EDN1: variants seen among roughly 807,000 people sequenced by gnomAD.
The protein encoded by EDN1 is endothelin-1.
Under a neutral mutation model 21.7 loss-of-function variants are expected in EDN1, and 11 were observed. The ratio of observed to expected loss-of-function variants is 0.51; its 90% confidence interval spans 0.32 to 0.84. The LOEUF (loss-of-function observed/expected upper bound fraction) is 0.84. Ranked by LOEUF, EDN1 falls within the 40% of genes least tolerant of loss-of-function variation. The pLI is 0.03. For synonymous variants in EDN1, 85 were observed against 90.6 expected, an observed-to-expected ratio of 0.94 and a Z score of 0.35; for missense variants, 244 against 262.3, an observed-to-expected ratio of 0.93 and a Z score of 0.48.
At chr6:12,263,615 A>G in the EDN1 span, among the ~76,000 whole-genome samples, 1 of 152,204 alleles carries the variant, frequency 6.6e-6, no homozygotes, top group Non-Finnish European at 1.5e-5. Context: ...TTTCACCACC[A>G]TAAATCAACT....
chr6:12,252,089 T>C, the EDN1 span, among the ~76,000 whole-genome samples: 1,715 of 152,328 alleles, frequency 0.011, 26 homozygotes, highest in African/African-American at 0.04. Flanking sequence ...TGTAAGGATG[T>C]AATTAACAGC....
chr6:12,237,262 A>G, the EDN1 span, among the ~76,000 whole-genome samples: 6 of 152,144 alleles, frequency 3.9e-5, no homozygotes, highest in Non-Finnish European at 8.8e-5. Context: ...AGTCTTTGCT[A>G]TTGTGAATAA....
At chr6:12,266,794 A>G in the EDN1 span, among the ~76,000 whole-genome samples, 1 of 152,202 alleles carries the variant, frequency 6.6e-6, no homozygotes, top group African/African-American at 2.4e-5. Context: ...GTCAAACCAC[A>G]GGAAGGTATT....
chr6:12,296,278 G>C lies in EDN1; in HGVS notation c.*211G>C. ...GGCTTCCATCAGTGGTAACTGCTTT[G>C]GTCTCTTCTTTCATCTGGGGATGAC... On this transcript the variant is annotated 3_prime_UTR_variant, in exon 5 of 5. Transcript: ENST00000379375. The C allele has an allele frequency of 1.8e-6, 1 of 540,664 alleles. No individual in the cohort carries two copies. Among genetic ancestry groups the C allele is most frequent in the Non-Finnish European group, 3.4e-6 (1 of 296,238 alleles). 33.5% of individuals were successfully genotyped at this position (540,664 alleles called of 1,614,324 possible).
Position 12,290,542 on chromosome 6 carries a change from G to T in EDN1, c.-88G>T, listed in dbSNP as rs1762647158. ...GATCGCTTTGAGATCTGAGGAACCCGCAGCGCTTTGAGGGACCTGAAGCTG... is the reference window on the plus strand; with the variant it reads ...GATCGCTTTGAGATCTGAGGAACCCTCAGCGCTTTGAGGGACCTGAAGCTG... On this transcript the variant is annotated 5_prime_UTR_variant, in exon 1 of 5. Transcript: ENST00000379375. 3.7e-6 allele frequency: 4 copies of T among 1,094,704 alleles called. No individual in the cohort carries two copies. Among genetic ancestry groups the T allele is most frequent in the Admixed American group, 1.8e-5 (1 of 54,926 alleles). 67.8% of individuals were successfully genotyped at this position (1,094,704 alleles called of 1,614,324 possible). A position where few individuals can be genotyped will look rare whatever the true frequency, so the allele number is the denominator to read the frequency against.
chr6:12,274,799 T>G, the EDN1 span, among the ~76,000 whole-genome samples: 4 of 152,222 alleles, frequency 2.6e-5, no homozygotes, highest in Admixed American at 6.5e-5. Flanking sequence ...AAGTGTCAGA[T>G]GTGGGATTCA....
chr6:12,268,372 G>A, the EDN1 span, among the ~76,000 whole-genome samples: 1 of 152,018 alleles, frequency 6.6e-6, no homozygotes, highest in Non-Finnish European at 1.5e-5. Context: ...TGCTTTTGAG[G>A]TCTGAAAAAT....
the EDN1 span, among the ~76,000 whole-genome samples, chr6:12,283,880 C>G: frequency 2.0e-5 from 3 of 152,214 alleles, no homozygotes; most frequent in African/African-American, 4.8e-5. Flanking sequence ...CTCCTAAATC[C>G]TCTTACCTTT....
chr6:12,278,767 C>T, the EDN1 span, among the ~76,000 whole-genome samples: 3 of 151,896 alleles, frequency 2.0e-5, no homozygotes, highest in Non-Finnish European at 2.9e-5. Flanking sequence ...CGTGGTGGTG[C>T]GCACCTGTAA....
the EDN1 span, among the ~76,000 whole-genome samples, chr6:12,241,903 C>G: frequency 6.6e-6 from 1 of 152,172 alleles, no homozygotes; most frequent in African/African-American, 2.4e-5. Context: ...GTGGGAATTT[C>G]TTTTGAAAGA....
the EDN1 span, among the ~76,000 whole-genome samples, chr6:12,274,982 TTCCCTCCCTCCC>T: frequency 7.1e-6 from 1 of 140,254 alleles, no homozygotes; most frequent in East Asian, 2.0e-4. Flanking sequence ...TGCTCCTTCC[TTCCCTCCCTCCC>T]TCCCTCCCTC....
At chr6:12,239,922 A>G in the EDN1 span, among the ~76,000 whole-genome samples, 1 of 152,128 alleles carries the variant, frequency 6.6e-6, no homozygotes, top group African/African-American at 2.4e-5. Flanking sequence ...CAAAAACAGA[A>G]AAGGAAAAAG....
the EDN1 span, among the ~76,000 whole-genome samples, chr6:12,241,038 TC>T: frequency 1.3e-5 from 2 of 152,110 alleles, no homozygotes; most frequent in Non-Finnish European, 2.9e-5. Flanking sequence ...AAATTTTTAT[TC>T]CCTTAAAGCC....
the EDN1 span, among the ~76,000 whole-genome samples, chr6:12,243,365 G>C: frequency 1.5e-3 from 234 of 151,788 alleles, 3 homozygotes; most frequent in African/African-American, 5.5e-3. Flanking sequence ...TCTCAGGGGC[G>C]GCAGAGGTGG....
chr6:12,292,204 CTG>C, intron 1 of EDN1, 135 bp from the exon 2 acceptor site: 6 of 1,256,012 alleles, frequency 4.8e-6, no homozygotes, highest in East Asian at 2.3e-5. Flanking sequence ...GCCCTTTTTT[CTG>C]TGTTTCTTGC....
chr6:12,263,184 CAAAG>C, the EDN1 span, among the ~76,000 whole-genome samples: 1 of 152,132 alleles, frequency 6.6e-6, no homozygotes, highest in African/African-American at 2.4e-5. Context: ...TTCTGACAGA[CAAAG>C]AAGATTCAGG....
rs56214323 is a variant in EDN1 at position 12,291,217 on chromosome 6, TCCC to T, written c.64+534_64+536del. Among the ~76,000 whole-genome samples the T allele has an allele frequency of 1.4e-3, 125 of 92,132 alleles. 2 individuals are homozygous for T. The highest frequency in any genetic ancestry group is 2.9e-3 in the African/African-American group (79 of 27,590). The allele number at this position is 92,132 out of a possible 152,430, so 60.4% of individuals were successfully genotyped here. ...AAAAGTCTGTTGACTAACTACCGCC[TCCC>T]CCCCCCCCCGCCACCACCCCCCGCA... On this transcript the variant is annotated intron_variant, in intron 1 of 4. Transcript: ENST00000379375.
the EDN1 span, among the ~76,000 whole-genome samples, chr6:12,231,428 A>G: frequency 1.3e-5 from 2 of 152,258 alleles, no homozygotes; most frequent in Non-Finnish European, 2.9e-5. Context: ...AGTGAAATCC[A>G]TTCAAGACAC....
chr6:12,237,165 T>C, the EDN1 span, among the ~76,000 whole-genome samples: 1 of 152,156 alleles, frequency 6.6e-6, no homozygotes, highest in Admixed American at 6.5e-5. Flanking sequence ...AACTCATCCT[T>C]TTTATGGCTG....
Sources: allele counts gnomAD v4.1 joint callset (sites outside exome capture counted in the v4.1 genomes callset), GRCh38; gene constraint gnomAD v4.1.1; transcripts MANE v1.5; gene names NCBI Gene and HGNC (gene_info 2026-07-23, HGNC 2026-07-21).